Variants in TTC7B observed in about 807,000 individuals in gnomAD.
The protein encoded by TTC7B is tetratricopeptide repeat domain 7B.
A neutral mutation model predicts 106.8 loss-of-function variants in TTC7B; 28 were observed. That is an observed-to-expected ratio of 0.26 (90% confidence interval 0.19 to 0.36). TTC7B has a LOEUF of 0.36. Among genes scored for constraint, TTC7B ranks in the 10% least tolerant of loss-of-function variants. The pLI is 1.00. For synonymous variants in TTC7B, 405 were observed against 430.6 expected (o/e 0.94, Z 0.74); for missense variants, 862 against 1,076.4 (o/e 0.80, Z 2.79).
At chr14:90,599,456 G>A (rs113762118) in intron 17 of TTC7B, among the ~76,000 whole-genome samples, 4,559 of 152,262 alleles carry the variant, frequency 0.03, 208 homozygotes, top group African/African-American at 0.11. Flanking sequence ...ATTACATGAC[G>A]TGTGAAAAAC....
chr14:90,560,266 G>A (rs537203683), intron 19 of TTC7B, among the ~76,000 whole-genome samples: 7 of 152,344 alleles, frequency 4.6e-5, no homozygotes, highest in East Asian at 3.9e-4. Flanking sequence ...CACCATGGCC[G>A]ATTCCAAGCT....
At chr14:90,656,152 C>A (rs1885938868) in intron 11 of TTC7B, among the ~76,000 whole-genome samples, 1 of 152,170 alleles carries the variant, frequency 6.6e-6, no homozygotes, top group Non-Finnish European at 1.5e-5. Context: ...TACATTTTCC[C>A]AAGCAAAATG....
Position 90,657,852 on chromosome 14 carries a change from G to T in TTC7B, c.1236+452C>A. 1 of 191,014 alleles carries T rather than the reference G, an allele frequency of 5.2e-6. No individual in the cohort carries two copies. The highest frequency in any genetic ancestry group is 1.1e-5 in the Non-Finnish European group (1 of 90,738). The allele number at this position is 191,014 out of a possible 1,614,324, so 11.8% of individuals were successfully genotyped here. On this transcript the variant is annotated intron_variant, in intron 10 of 19. Coordinates refer to ENST00000328459, the MANE Select transcript of TTC7B (RefSeq NM_001010854.2). The surrounding 1 kb of genome is among the most constrained non-coding windows in gnomAD (Gnocchi z 4.2). ...ACTGAGCTGCTCAGTAACTTGCCTG[G>T]GTCACTCAGCTGGGAGAGCAGCATC...
At chr14:90,579,255 T>G (rs1891385907) in intron 18 of TTC7B, among the ~76,000 whole-genome samples, 1 of 152,170 alleles carries the variant, frequency 6.6e-6, no homozygotes, top group African/African-American at 2.4e-5. Context: ...CAGGGCCACA[T>G]GGTCAAGTCT....
chr14:90,760,007 C>T (rs545448900), intron 3 of TTC7B, among the ~76,000 whole-genome samples: 5 of 152,306 alleles, frequency 3.3e-5, no homozygotes, highest in African/African-American at 9.6e-5. Flanking sequence ...ATTATACAGT[C>T]TAGTTTGAGA....
At chr14:90,813,937 A>C (rs1466362574) in intron 1 of TTC7B, among the ~76,000 whole-genome samples, 1 of 152,144 alleles carries the variant, frequency 6.6e-6, no homozygotes, top group Non-Finnish European at 1.5e-5. Context: ...GCAAACACCA[A>C]AGGAGAGCCA....
chr14:90,784,514 G>A (rs1000474632), intron 2 of TTC7B, among the ~76,000 whole-genome samples: 4 of 152,016 alleles, frequency 2.6e-5, no homozygotes, highest in African/African-American at 4.8e-5. Context: ...CGAAGATCAC[G>A]CCACTGCACT....
chr14:90,668,481 A>G (rs909309671), intron 9 of TTC7B, among the ~76,000 whole-genome samples: 5 of 152,204 alleles, frequency 3.3e-5, no homozygotes, highest in African/African-American at 1.2e-4. Flanking sequence ...AGGGTCAAGG[A>G]TCATCTGCCA....
In TTC7B at chr14:90,618,404, AT is replaced by A. The variant is rs1481430427; in HGVS notation, c.1752-360del. On this transcript the variant is annotated intron_variant, in intron 15 of 19. Transcript: ENST00000328459. ...ACTCATTAAAAGCGAACCTTGGTTTATTTACAGAATTACACAGGAGATTTGA... is the reference window on the plus strand; with the variant it reads ...ACTCATTAAAAGCGAACCTTGGTTTATTACAGAATTACACAGGAGATTTGA... Among the ~76,000 whole-genome samples, 4 of 152,364 alleles carry A rather than the reference AT, an allele frequency of 2.6e-5. No individual in the cohort carries two copies. The East Asian group carries it at 5.8e-4, about 22-fold the overall frequency.
At chr14:90,597,668 AC>A (rs1380807750) in intron 17 of TTC7B, among the ~76,000 whole-genome samples, 17 of 152,066 alleles carry the variant, frequency 1.1e-4, no homozygotes, top group Non-Finnish European at 8.8e-5. Flanking sequence ...AAAAAAAAAA[AC>A]AAAACAACAA....
In TTC7B at chr14:90,530,404, G is replaced by A. The variant is rs1161234899; in HGVS notation, c.*10964C>T. The A allele has an allele frequency of 6.6e-6, 1 of 152,202 alleles. No homozygotes were observed. Among genetic ancestry groups the A allele is most frequent in the Admixed American group, 6.5e-5 (1 of 15,288 alleles). The allele number at this position is 152,202 out of a possible 1,614,324, so 9.4% of individuals were successfully genotyped here. On this transcript the variant is annotated 3_prime_UTR_variant, in exon 20 of 20. Coordinates refer to ENST00000328459, the MANE Select transcript of TTC7B (RefSeq NM_001010854.2). Reference sequence around the variant, plus strand: ...TGAAATTGTCCCCAAGGTGACTATGGTAAGTGAAATGATGGTCCCAAAAGA... The same window carrying A: ...TGAAATTGTCCCCAAGGTGACTATGATAAGTGAAATGATGGTCCCAAAAGA...
chr14:90,643,608 C>T (rs1175155432), intron 15 of TTC7B, among the ~76,000 whole-genome samples: 2 of 152,042 alleles, frequency 1.3e-5, no homozygotes, highest in African/African-American at 2.4e-5. Flanking sequence ...GACGGAATCT[C>T]GCTCTGTCGC....
chr14:90,574,564 G>T (rs1891178893), intron 19 of TTC7B, among the ~76,000 whole-genome samples: 1 of 152,188 alleles, frequency 6.6e-6, no homozygotes, highest in Non-Finnish European at 1.5e-5. Flanking sequence ...CATTTCTCTT[G>T]TCAAGTCTGA....
chr14:90,643,243 C>T (rs1411228799), intron 15 of TTC7B, among the ~76,000 whole-genome samples: 1 of 151,954 alleles, frequency 6.6e-6, no homozygotes, highest in Non-Finnish European at 1.5e-5. Context: ...CCCGTCTCTA[C>T]TAAAAATACA....
chr14:90,658,143 C>T (rs753513402), intron 10 of TTC7B, 161 bp downstream of exon 10: 29 of 641,872 alleles, frequency 4.5e-5, no homozygotes, highest in Admixed American at 8.7e-5. Context: ...GCTCCCCAAA[C>T]AATTAAATCT....
chr14:90,590,067 C>T (rs1200923330), intron 18 of TTC7B, among the ~76,000 whole-genome samples: 2 of 152,122 alleles, frequency 1.3e-5, no homozygotes, highest in Non-Finnish European at 2.9e-5. Context: ...GAACCGGTGA[C>T]AGTGGTTGCC....
chr14:90,643,967 G>A, intron 15 of TTC7B, 81 bp downstream of exon 15: 1 of 1,536,640 alleles, frequency 6.5e-7, no homozygotes, highest in African/African-American at 1.4e-5. Context: ...GAGGGACTTA[G>A]ACAGATTGGA....
intron 3 of TTC7B, chr14:90,766,894 G>A: frequency 6.3e-7 from 1 of 1,582,118 alleles, no homozygotes; most frequent in Non-Finnish European, 8.6e-7. Flanking sequence ...GGCCCATAGA[G>A]GGCTGTGCCA....
intron 17 of TTC7B, 151 bp downstream of exon 17, chr14:90,610,591 C>CTCGGT: frequency 1.6e-6 from 1 of 638,326 alleles, no homozygotes; most frequent in Non-Finnish European, 2.8e-6. Flanking sequence ...GAGAAAGACA[C>CTCGGT]TGGAGCAATG....
Sources: gnomAD v4.1 joint callset for allele counts (sites outside exome capture counted in the v4.1 genomes callset) on GRCh38, gnomAD v4.1.1 for gene constraint, Gnocchi (gnomAD v3.1) non-coding constraint, MANE v1.5 for transcripts, NCBI Gene and HGNC (gene_info 2026-07-23, HGNC 2026-07-21) for gene names.